Variants in ZNF804B observed in about 807,000 individuals in gnomAD.
The protein encoded by ZNF804B is zinc finger protein 804B.
ZNF804B carries 80 observed loss-of-function variants against 101.4 expected under a neutral mutation model. The ratio of observed to expected loss-of-function variants is 0.79; its 90% confidence interval spans 0.66 to 0.95. ZNF804B has a LOEUF of 0.95. ZNF804B is among the 40% of genes least tolerant of loss of function. The pLI, the probability that ZNF804B is intolerant of heterozygous loss-of-function variation, is 0.00. For missense variants in ZNF804B, 1,673 were observed against 1,561.9 expected (o/e 1.07, Z -1.20); for synonymous variants, 622 against 558.8 (o/e 1.11, Z -1.59).
rs1462312699 is a variant in ZNF804B, at chr7:89,335,435, C to T, written c.2453C>T (p.Ser818Leu). ...QKLGKNQQQF[S>L]GLKSTRIIYC... ...CTGGGCAAAAATCAACAACAATTTT[C>T]AGGGCTAAAATCTACGAGAATCATC... Residue 818 changes from serine to leucine, a missense_variant, in exon 4 of 4, where the codon TCA becomes TTA. Coordinates refer to ENST00000333190, the MANE Select transcript of ZNF804B (RefSeq NM_181646.5). 1 of 1,613,890 alleles carries T rather than the reference C, an allele frequency of 6.2e-7. No individual in the cohort carries two copies. Among genetic ancestry groups the T allele is most frequent in the South Asian group, 1.1e-5 (1 of 91,080 alleles).
chr7:88,845,674 G>A (rs1420608233), intron 1 of ZNF804B, among the ~76,000 whole-genome samples: 1 of 151,736 alleles, frequency 6.6e-6, no homozygotes, highest in Admixed American at 6.6e-5. Flanking sequence ...CTTCCTTTGA[G>A]AAAATCTTAA....
chr7:89,257,754 T>C (rs1036169810), intron 2 of ZNF804B, among the ~76,000 whole-genome samples: 1 of 152,184 alleles, frequency 6.6e-6, no homozygotes. Context: ...TGTTTTATTC[T>C]CACCTTCCTC....
At chr7:89,190,164 A>G (rs570669642) in intron 1 of ZNF804B, among the ~76,000 whole-genome samples, 2 of 152,016 alleles carry the variant, frequency 1.3e-5, no homozygotes, top group South Asian at 2.1e-4. Flanking sequence ...ACGAAACCCT[A>G]TCTTTACTAA....
At chr7:88,884,576 A>G (rs1463343020) in intron 1 of ZNF804B, among the ~76,000 whole-genome samples, 1 of 151,842 alleles carries the variant, frequency 6.6e-6, no homozygotes, top group Non-Finnish European at 1.5e-5. Flanking sequence ...TTGAGGAGCT[A>G]TTATATTTTA....
chr7:89,269,751 C>CCATTCTAACTGGTGTGAGATGGTATCT (rs1258189327), intron 2 of ZNF804B, among the ~76,000 whole-genome samples: 16 of 152,150 alleles, frequency 1.1e-4, no homozygotes, highest in African/African-American at 3.9e-4. Context: ...GTAATGATCA[C>CCATTCTAACTGGTGTGAGATGGTATCT]CATTCTAACT....
chr7:89,148,876 A>T (rs769422550), intron 1 of ZNF804B, among the ~76,000 whole-genome samples: 22 of 152,048 alleles, frequency 1.4e-4, no homozygotes, highest in Non-Finnish European at 2.6e-4. Flanking sequence ...AAAAAGTCTC[A>T]ATTTTTATTT....
intron 2 of ZNF804B, among the ~76,000 whole-genome samples, chr7:89,228,571 G>A (rs2115731510): frequency 6.6e-6 from 1 of 152,264 alleles, no homozygotes; most frequent in South Asian, 2.1e-4. Flanking sequence ...CCCTGAGCTA[G>A]ACACAGGGTG....
chr7:88,893,558 A>G (rs1025476684), intron 1 of ZNF804B, among the ~76,000 whole-genome samples: 4 of 152,162 alleles, frequency 2.6e-5, no homozygotes, highest in African/African-American at 9.6e-5. Flanking sequence ...AAAGTAAATT[A>G]TACTAAAGCT....
At chr7:89,089,163 T>C (rs1035523024) in intron 1 of ZNF804B, among the ~76,000 whole-genome samples, 2 of 151,910 alleles carry the variant, frequency 1.3e-5, no homozygotes, top group African/African-American at 4.8e-5. Context: ...CTTCAAAAGT[T>C]TTCCTTAATA....
chr7:88,829,088 C>CT (rs1469948270), intron 1 of ZNF804B, among the ~76,000 whole-genome samples: 1 of 151,934 alleles, frequency 6.6e-6, no homozygotes, highest in Admixed American at 6.6e-5. Flanking sequence ...TGTTTTGATA[C>CT]TTTTTGCTAT....
intron 1 of ZNF804B, among the ~76,000 whole-genome samples, chr7:88,883,718 C>T (rs1225105801): frequency 6.6e-6 from 1 of 151,978 alleles, no homozygotes; most frequent in African/African-American, 2.4e-5. Flanking sequence ...AAGAAATGCA[C>T]AGGAATCCGT....
chr7:88,924,832 T>C (rs1035972026), intron 1 of ZNF804B, among the ~76,000 whole-genome samples: 1 of 152,022 alleles, frequency 6.6e-6, no homozygotes, highest in African/African-American at 2.4e-5. Flanking sequence ...TTTTGTTTAC[T>C]TTGTGCCCCC....
chr7:88,785,221 T>C (rs1474818646), intron 1 of ZNF804B, among the ~76,000 whole-genome samples: 1 of 152,098 alleles, frequency 6.6e-6, no homozygotes, highest in Non-Finnish European at 1.5e-5. Flanking sequence ...TCCTCCAATA[T>C]TCTTGATCTT....
intron 2 of ZNF804B, among the ~76,000 whole-genome samples, chr7:89,289,677 A>G (rs898804278): frequency 4.6e-5 from 7 of 152,136 alleles, no homozygotes; most frequent in Non-Finnish European, 7.4e-5. Flanking sequence ...GCCCTACACG[A>G]AGGGGAATCA....
chr7:89,176,591 CT>C lies in ZNF804B; in HGVS notation c.109-41547del, dbSNP rs35866405. Among the ~76,000 whole-genome samples, 102 of 71,956 alleles carry C rather than the reference CT, an allele frequency of 1.4e-3. 1 individual carries two copies. The highest frequency in any genetic ancestry group is 4.3e-3 in the East Asian group (12 of 2,778). 47.2% of individuals were successfully genotyped at this position (71,956 alleles called of 152,430 possible). On this transcript the variant is annotated intron_variant, in intron 1 of 3. Transcript: ENST00000333190. ...CTTTTTTTTCTTTCTTTCTTTCTTT[CT>C]TTTTTTTTTTTTTTTTCATGTTTCC...
At chr7:89,005,223 C>A (rs1788354966) in intron 1 of ZNF804B, among the ~76,000 whole-genome samples, 1 of 151,882 alleles carries the variant, frequency 6.6e-6, no homozygotes, top group African/African-American at 2.4e-5. Flanking sequence ...CTGTAAGGAG[C>A]ATTATTTTCT....
intron 2 of ZNF804B, among the ~76,000 whole-genome samples, chr7:89,279,496 G>C (rs993237846): frequency 3.8e-4 from 57 of 150,834 alleles, no homozygotes; most frequent in Non-Finnish European, 6.1e-4. Context: ...GTTTGTCATA[G>C]ATAGCTCTTA....
intron 1 of ZNF804B, among the ~76,000 whole-genome samples, chr7:88,823,083 G>A (rs1455194862): frequency 6.6e-6 from 1 of 152,102 alleles, no homozygotes; most frequent in Non-Finnish European, 1.5e-5. Context: ...AGTGGCAGAT[G>A]CCTGTAATCC....
At chr7:89,005,149 C>T (rs1156989630) in intron 1 of ZNF804B, among the ~76,000 whole-genome samples, 1 of 151,902 alleles carries the variant, frequency 6.6e-6, no homozygotes, top group Non-Finnish European at 1.5e-5. Flanking sequence ...CAAAACTGTT[C>T]CAAAGCTAAA....
Sources: allele counts gnomAD v4.1 joint callset (sites outside exome capture counted in the v4.1 genomes callset), GRCh38; gene constraint gnomAD v4.1.1; transcripts MANE v1.5; gene names NCBI Gene and HGNC (gene_info 2026-07-23, HGNC 2026-07-21).